The following C1orf141 variants were observed in gnomAD, a reference collection of about 807,000 sequenced individuals.
C1orf141 encodes uncharacterized protein C1orf141.
C1orf141 carries 19 observed loss-of-function variants against 23.2 expected under a neutral mutation model. The observed-to-expected ratio is 0.82, with a 90% CI of 0.57 to 1.20. The LOEUF is 1.20. Among genes scored for constraint, C1orf141 ranks in the 50% most tolerant of loss-of-function variants. C1orf141 has a pLI of 0.00. For missense variants in C1orf141, 469 were observed against 455.1 expected, an observed-to-expected ratio of 1.03 and a Z score of -0.28; for synonymous variants, 153 against 154.6, an observed-to-expected ratio of 0.99 and a Z score of 0.08.
In C1orf141 at chr1:67,092,414, T is replaced by C. The variant is rs965255843; in HGVS notation, c.*591A>G. 6.6e-6 allele frequency: 1 copy of C among 152,250 alleles called. No homozygotes were observed. The highest frequency in any genetic ancestry group is 1.5e-5 in the Non-Finnish European group (1 of 68,044). The allele number at this position is 152,250 out of a possible 1,614,324, so 9.4% of individuals were successfully genotyped here. ...TTTAGATTAAGGATAGTTATTCTTT[T>C]ATTTAACAATTTAGAAAAAAGTTAA... On this transcript the variant is annotated 3_prime_UTR_variant, in exon 8 of 8. Transcript: ENST00000684719.
intron 3 of C1orf141, among the ~76,000 whole-genome samples, chr1:67,126,936 C>T (rs59227891): frequency 0.11 from 16,155 of 152,090 alleles, 1,476 homozygotes; most frequent in African/African-American, 0.25. Flanking sequence ...CTAGTAAAAT[C>T]GTCAAAACAA....
intron 5 of C1orf141, chr1:67,102,800 A>T (rs1406792468): frequency 2.0e-5 from 3 of 152,392 alleles, no homozygotes; most frequent in Admixed American, 6.5e-5. Flanking sequence ...ATCTGATGAC[A>T]TTATAAAGCC....
At chr1:67,134,511 T>C (rs1646563523) in intron 1 of C1orf141, among the ~76,000 whole-genome samples, 2 of 152,158 alleles carry the variant, frequency 1.3e-5, no homozygotes, top group Admixed American at 1.3e-4. Flanking sequence ...AATGTATCAA[T>C]TAAGCGGCCC....
At chr1:67,107,909 G>A (rs995408097) in intron 5 of C1orf141, among the ~76,000 whole-genome samples, 3 of 152,136 alleles carry the variant, frequency 2.0e-5, no homozygotes, top group African/African-American at 7.2e-5. Flanking sequence ...GCTCCTGAGA[G>A]CAAAATTCTC....
chr1:67,126,038 T>C (rs1055427922), intron 3 of C1orf141, 129 bp from the exon 4 acceptor site: 122 of 1,044,054 alleles, frequency 1.2e-4, no homozygotes, highest in Non-Finnish European at 1.6e-4. Context: ...TGGCAGGCAA[T>C]AATGGAAAAA....
intron 5 of C1orf141, among the ~76,000 whole-genome samples, chr1:67,102,492 A>AT (rs980601086): frequency 2.2e-4 from 33 of 151,030 alleles, no homozygotes; most frequent in African/African-American, 5.8e-4. Context: ...TTGGGAAAAC[A>AT]TTTTTTTTTC....
At chr1:67,125,960 T>G (rs367738787) in intron 3 of C1orf141, 51 bp from the exon 4 acceptor site, 4 of 1,455,514 alleles carry the variant, frequency 2.7e-6, no homozygotes, top group Middle Eastern at 3.8e-4. Flanking sequence ...GTACTTTTTA[T>G]ATGGGGAAAA....
At chr1:67,094,627 A>G (rs1299672806) in intron 7 of C1orf141, 3 of 152,246 alleles carry the variant, frequency 2.0e-5, no homozygotes, top group Non-Finnish European at 4.4e-5. Context: ...ATCTGTGACA[A>G]TAGCATGGGC....
At chr1:67,100,018 CT>C (rs373865507) in intron 5 of C1orf141, among the ~76,000 whole-genome samples, 62 of 151,990 alleles carry the variant, frequency 4.1e-4, no homozygotes, top group African/African-American at 1.5e-3. Flanking sequence ...TTTTCTTTAA[CT>C]TTGCTTTACT....
intron 2 of C1orf141, 143 bp from the exon 3 acceptor site, chr1:67,127,400 T>C (rs988115939): frequency 1.4e-5 from 8 of 565,268 alleles, no homozygotes; most frequent in African/African-American, 1.3e-4. Flanking sequence ...AATCATAGAA[T>C]TGTAAATGTA....
chr1:67,110,158 A>T (rs1646036530), intron 5 of C1orf141, among the ~76,000 whole-genome samples: 1 of 152,198 alleles, frequency 6.6e-6, no homozygotes, highest in Non-Finnish European at 1.5e-5. Context: ...AAAAAATGTG[A>T]AAGTAAATAA....
chr1:67,133,912 G>A (rs971222783), intron 1 of C1orf141, among the ~76,000 whole-genome samples: 3 of 152,234 alleles, frequency 2.0e-5, no homozygotes, highest in African/African-American at 7.2e-5. Flanking sequence ...GACAGTCCCA[G>A]CAAGCTAGTA....
intron 4 of C1orf141, chr1:67,123,440 GTTTA>G (rs1335522249): frequency 6.6e-6 from 1 of 151,762 alleles, no homozygotes; most frequent in African/African-American, 2.4e-5. Context: ...TTCTTTTCTA[GTTTA>G]TTTGTCTCTT....
intron 4 of C1orf141, among the ~76,000 whole-genome samples, chr1:67,118,178 T>G (rs146479951): frequency 7.8e-4 from 119 of 152,302 alleles, no homozygotes; most frequent in African/African-American, 2.8e-3. Context: ...ACCAGGTGAC[T>G]TTTTACTCCA....
intron 5 of C1orf141, among the ~76,000 whole-genome samples, chr1:67,102,204 T>A (rs1645817017): frequency 6.6e-6 from 1 of 152,112 alleles, no homozygotes; most frequent in Non-Finnish European, 1.5e-5. Context: ...ATCATCTGGA[T>A]CCTTAGTAGT....
intron 5 of C1orf141, among the ~76,000 whole-genome samples, chr1:67,112,476 T>C (rs959962610): frequency 1.3e-5 from 2 of 151,958 alleles, no homozygotes; most frequent in South Asian, 2.1e-4. Flanking sequence ...CCAGGACAGG[T>C]GGATCACTGG....
chr1:67,092,346 C>G lies in C1orf141; in HGVS notation c.*659G>C, dbSNP rs1645574658. 1 of 152,136 alleles carries G rather than the reference C, an allele frequency of 6.6e-6. No homozygotes were observed. Among genetic ancestry groups the G allele is most frequent in the Admixed American group, 6.5e-5 (1 of 15,268 alleles). 9.4% of individuals were successfully genotyped at this position (152,136 alleles called of 1,614,324 possible). ...AGTAAAATAGCAATGTAATAATATA[C>G]CTTAAAATGTTTAATACCTTATAGG... On this transcript the variant is annotated 3_prime_UTR_variant, in exon 8 of 8. Coordinates refer to ENST00000684719, the MANE Select transcript of C1orf141 (RefSeq NM_001276351.2).
intron 7 of C1orf141, chr1:67,094,431 A>G (rs1645625918): frequency 6.6e-6 from 1 of 152,262 alleles, no homozygotes; most frequent in African/African-American, 2.4e-5. Flanking sequence ...GGACATAGGC[A>G]TTTGCCCTAG....
intron 5 of C1orf141, among the ~76,000 whole-genome samples, chr1:67,106,202 T>C (rs1454460714): frequency 6.6e-6 from 1 of 152,114 alleles, no homozygotes; most frequent in Non-Finnish European, 1.5e-5. Flanking sequence ...GTCTTCACAA[T>C]ACAATAGTCA....
Sources: allele counts gnomAD v4.1 joint callset (sites outside exome capture counted in the v4.1 genomes callset), GRCh38; gene constraint gnomAD v4.1.1; transcripts MANE v1.5; gene names NCBI Gene and HGNC (gene_info 2026-07-23, HGNC 2026-07-21).